RNF217: variants seen among roughly 807,000 people sequenced by gnomAD.
RNF217 encodes the protein E3 ubiquitin-protein ligase RNF217.
A neutral mutation model predicts 57.8 loss-of-function variants in RNF217; 31 were observed. The ratio of observed to expected loss-of-function variants is 0.54; its 90% CI spans 0.40 to 0.72. RNF217 has a LOEUF of 0.72. Among genes scored for constraint, RNF217 ranks in the 30% least tolerant of loss-of-function variants. The pLI is 0.00. For missense variants in RNF217, 696 were observed against 708.3 expected (o/e 0.98, Z 0.20); for synonymous variants, 313 against 294.0 (o/e 1.06, Z -0.66).
intron 5 of RNF217, 98 bp from the exon 6 acceptor site, chr6:125,082,762 TTGTA>T (rs1788621470): frequency 1.8e-6 from 2 of 1,140,408 alleles, no homozygotes; most frequent in Admixed American, 4.7e-5. Flanking sequence ...GTCTTCTTCT[TTGTA>T]TGTTCGTACA....
At chr6:125,023,256 G>A (rs1161080507) in intron 1 of RNF217, among the ~76,000 whole-genome samples, 1 of 152,176 alleles carries the variant, frequency 6.6e-6, no homozygotes, top group Non-Finnish European at 1.5e-5. Flanking sequence ...AAAGCATGCG[G>A]AGGAGCCCAG....
chr6:125,077,335 A>T (rs1562498250), intron 4 of RNF217, among the ~76,000 whole-genome samples: 1 of 152,188 alleles, frequency 6.6e-6, no homozygotes, highest in Admixed American at 6.5e-5. Context: ...TATATAAGTG[A>T]TAAGTTGCAT....
In RNF217 at chr6:124,963,360, C is replaced by G. The variant is rs1350976190; in HGVS notation, c.816C>G (p.Ile272Met). ...GGGTGTGCCTGGAAGACAAGCCCATCAAGCCCCTGCCTTGCTGCAAGAAGG... is the reference window on the plus strand; with the variant it reads ...GGGTGTGCCTGGAAGACAAGCCCATGAAGCCCCTGCCTTGCTGCAAGAAGG... ...MCRVCLEDKP[I>M]KPLPCCKKAV... The change falls in exon 1 of 6, where the codon ATC (isoleucine) becomes ATG (methionine). Residue 272 changes from isoleucine to methionine, a missense_variant. This residue lies in a region of RNF217 where 465 missense variants were observed against 386.8 expected (regional missense o/e 1.20). Coordinates refer to ENST00000521654, the MANE Select transcript of RNF217 (RefSeq NM_001286398.3). 3 of 1,528,270 alleles carry G rather than the reference C, an allele frequency of 2.0e-6. No homozygotes were observed. Among genetic ancestry groups the G allele is most frequent in the Non-Finnish European group, 2.6e-6 (3 of 1,143,254 alleles). 94.7% of individuals were successfully genotyped at this position (1,528,270 alleles called of 1,614,324 possible).
At chr6:125,026,646 A>AG (rs1031886090) in intron 1 of RNF217, among the ~76,000 whole-genome samples, 1 of 152,090 alleles carries the variant, frequency 6.6e-6, no homozygotes, top group African/African-American at 2.4e-5. Context: ...CATTTCTCTG[A>AG]GAAAAAAAAA....
At chr6:125,074,962 TC>T (rs1788308944) in intron 3 of RNF217, among the ~76,000 whole-genome samples, 1 of 152,144 alleles carries the variant, frequency 6.6e-6, no homozygotes, top group Admixed American at 6.6e-5. Flanking sequence ...CAAAATGGTA[TC>T]AGGAGCATTT....
chr6:125,062,232 G>A (rs776804124), intron 3 of RNF217, among the ~76,000 whole-genome samples: 2 of 151,914 alleles, frequency 1.3e-5, no homozygotes, highest in Non-Finnish European at 2.9e-5. Flanking sequence ...TCTTATTTAT[G>A]TATTAAGCAT....
chr6:125,046,609 A>C (rs1014772795), intron 2 of RNF217: 1 of 455,824 alleles, frequency 2.2e-6, no homozygotes, highest in Non-Finnish European at 4.4e-6. Flanking sequence ...CATTACAGCA[A>C]AATGGCAGGA....
At chr6:124,988,833 C>T (rs753503487) in intron 1 of RNF217, among the ~76,000 whole-genome samples, 8 of 152,194 alleles carry the variant, frequency 5.3e-5, no homozygotes, top group Non-Finnish European at 1.0e-4. Context: ...TCAAACTCAG[C>T]ATTGACTCCT....
At chr6:125,022,944 T>A (rs1785902418) in intron 1 of RNF217, among the ~76,000 whole-genome samples, 1 of 152,154 alleles carries the variant, frequency 6.6e-6, no homozygotes, top group Admixed American at 6.6e-5. Flanking sequence ...CAATTATTTC[T>A]TAAGCACCTA....
At chr6:125,001,363 T>G (rs961539895) in intron 1 of RNF217, among the ~76,000 whole-genome samples, 2 of 152,190 alleles carry the variant, frequency 1.3e-5, no homozygotes, top group African/African-American at 2.4e-5. Flanking sequence ...TGGAGTTGTC[T>G]TCTCTAAATT....
Position 125,045,412 on chromosome 6 carries a change from C to T in RNF217, c.1084C>T (p.Pro362Ser), listed in dbSNP as rs764000955. Reference sequence around the variant, plus strand: ...AACCTTCAAGAAAAAAGGACATATTCCCACCCCTTCCAGATCAGAAAGCAA... The same window carrying T: ...AACCTTCAAGAAAAAAGGACATATTTCCACCCCTTCCAGATCAGAAAGCAA... ...FTTFKKKGHI[P>S]TPSRSESKYK... Residue 362 changes from proline (P) to serine (S), a missense_variant, in exon 2 of 6, where the codon CCC (proline) becomes TCC (serine). Around this residue, in one of 2 missense-constraint regions of RNF217, gnomAD observed 231 missense variants for 321.4 expected, o/e 0.72. Coordinates refer to ENST00000521654, the MANE Select transcript of RNF217 (RefSeq NM_001286398.3). 3.1e-6 allele frequency: 5 copies of T among 1,612,880 alleles called. No individual in the cohort carries two copies. In the Admixed American group the frequency reaches 5.0e-5, roughly 16 times the overall value.
chr6:124,977,563 G>T (rs576487350), intron 1 of RNF217, among the ~76,000 whole-genome samples: 2 of 152,276 alleles, frequency 1.3e-5, no homozygotes, highest in African/African-American at 2.4e-5. Context: ...CATTTAGATT[G>T]CTCTGTTCTA....
intron 1 of RNF217, among the ~76,000 whole-genome samples, chr6:124,978,813 C>T (rs193188271): frequency 6.6e-6 from 1 of 152,248 alleles, no homozygotes; most frequent in East Asian, 1.9e-4. Flanking sequence ...GGTACGTGGA[C>T]ACATGGACAC....
chr6:124,972,297 C>A (rs1001055301), intron 1 of RNF217, among the ~76,000 whole-genome samples: 1 of 151,920 alleles, frequency 6.6e-6, no homozygotes, highest in Non-Finnish European at 1.5e-5. Context: ...TCTATTTCTG[C>A]TGTCATTTCC....
chr6:125,081,023 T>A (rs925174982), intron 4 of RNF217, among the ~76,000 whole-genome samples: 1 of 152,016 alleles, frequency 6.6e-6, no homozygotes, highest in African/African-American at 2.4e-5. Context: ...ACCTACCAGC[T>A]CTCCATGTTA....
intron 1 of RNF217, among the ~76,000 whole-genome samples, chr6:125,013,351 A>ATGTGTGTGTG (rs61504994): frequency 4.7e-4 from 66 of 141,292 alleles, no homozygotes; most frequent in African/African-American, 1.6e-3. Flanking sequence ...TGTTTTGTGT[A>ATGTGTGTGTG]TGTGTGTGTG....
chr6:125,012,707 T>C (rs533373600), intron 1 of RNF217, among the ~76,000 whole-genome samples: 3 of 152,190 alleles, frequency 2.0e-5, no homozygotes, highest in Non-Finnish European at 4.4e-5. Flanking sequence ...GTTAAAGTTA[T>C]ATTTTACTTT....
At chr6:125,011,355 A>G (rs990347773) in intron 1 of RNF217, among the ~76,000 whole-genome samples, 3 of 152,130 alleles carry the variant, frequency 2.0e-5, no homozygotes, top group Admixed American at 1.3e-4. Context: ...AGCCTGACAA[A>G]TTTGGCATTA....
chr6:125,079,127 C>T (rs1469339398), intron 4 of RNF217, among the ~76,000 whole-genome samples: 5 of 152,162 alleles, frequency 3.3e-5, no homozygotes, highest in Middle Eastern at 3.4e-3. Context: ...TCCGTGTAAC[C>T]ACGTGCTCAG....
Sources: gnomAD v4.1 joint callset for allele counts (sites outside exome capture counted in the v4.1 genomes callset) on GRCh38, gnomAD v4.1.1 for gene constraint, gnomAD v4.1.1 regional missense constraint, MANE v1.5 for transcripts, NCBI Gene and HGNC (gene_info 2026-07-23, HGNC 2026-07-21) for gene names.